The following HAPLN1 variants were observed in gnomAD, a reference collection of about 807,000 sequenced individuals.
HAPLN1 encodes hyaluronan and proteoglycan link protein 1.
A neutral mutation model predicts 36.5 loss-of-function variants in HAPLN1; 13 were observed. That is an observed-to-expected ratio of 0.36 (90% CI 0.23 to 0.57). HAPLN1 has a LOEUF of 0.57. Among genes scored for constraint, HAPLN1 ranks in the 20% least tolerant of loss-of-function variants. The pLI is 0.83. For missense variants in HAPLN1, 407 were observed against 439.7 expected (o/e 0.93, Z 0.66); for synonymous variants, 202 against 169.8 (o/e 1.19, Z -1.48).
chr5:83,697,561 C>T (rs567745201), intron 1 of HAPLN1, among the ~76,000 whole-genome samples: 54 of 152,170 alleles, frequency 3.5e-4, no homozygotes, highest in Middle Eastern at 3.4e-3. Context: ...ATCTACCAAG[C>T]GATGGAATAT....
chr5:83,699,292 C>T (rs1751455370), intron 1 of HAPLN1, among the ~76,000 whole-genome samples: 1 of 152,132 alleles, frequency 6.6e-6, no homozygotes, highest in Non-Finnish European at 1.5e-5. Context: ...ATAGTGACTC[C>T]ACTTTGTTAG....
chr5:83,671,284 C>T lies in HAPLN1; in HGVS notation c.100+2140G>A, dbSNP rs147901764. Among the ~76,000 whole-genome samples, 3 of 152,226 alleles carry T rather than the reference C, an allele frequency of 2.0e-5. No homozygotes were observed. In the East Asian group the frequency reaches 5.8e-4, roughly 29 times the overall value. On this transcript the variant is annotated intron_variant, in intron 2 of 4. Transcript: ENST00000274341. The stretch of plus-strand genomic sequence containing the variant: ...ATAGGAGAGAGTAATGATATTTTTA[C>T]AGCAACGTGAATTTTCAACTATTTT...
Position 83,641,756 on chromosome 5 carries a change from T to C in HAPLN1, c.805A>G (p.Lys269Glu). 1 of 1,614,038 alleles carries C rather than the reference T, an allele frequency of 6.2e-7. No homozygotes were observed. Among genetic ancestry groups the C allele is most frequent in the Non-Finnish European group, 8.5e-7 (1 of 1,179,968 alleles). The change falls in exon 5 of 5, where the codon AAA becomes GAA. Residue 269 changes from lysine to glutamate, a missense_variant. Physicochemically the swap from Lys to Glu is moderately conservative, Grantham distance 56. Coordinates refer to ENST00000274341, the MANE Select transcript of HAPLN1 (RefSeq NM_001884.4). ...TGCACCGCTTCATCATAGGTCAGTT[T>C]GGTGGGGTGGATCAGATAGTAAAAA... ...GRFYYLIHPT[K>E]LTYDEAVQAC...
At position 83,641,508 on chromosome 5, in the gene HAPLN1, T is replaced by C. The variant is rs376504960; in HGVS notation, c.1053A>G (p.Arg351=). 3.6e-5 allele frequency: 58 copies of C among 1,606,440 alleles called. No individual in the cohort carries two copies. Among genetic ancestry groups the C allele is most frequent in the Admixed American group, 5.0e-5 (3 of 59,616 alleles). The change falls in exon 5 of 5, where the codon AGA becomes AGG. Residue 351 remains arginine, a synonymous_variant. Transcript: ENST00000274341. ...TCTAAGGGCACATTCAGTTGTATGC[T>C]CTGAAGCAGTAGACACCATACAGCT... ...KHKLYGVYCF[R]AYN is the part of the protein sequence containing the mutation.
At chr5:83,648,654 G>A in intron 3 of HAPLN1, among the ~76,000 whole-genome samples, 1 of 151,728 alleles carries the variant, frequency 6.6e-6, no homozygotes, top group East Asian at 1.9e-4. Flanking sequence ...ATTACAGTTG[G>A]AAAAGCAGCT....
In HAPLN1 at chr5:83,663,199, G is replaced by T. The variant is rs540478546; in HGVS notation, c.100+10225C>A. Among the ~76,000 whole-genome samples the T allele has an allele frequency of 5.3e-5, 8 of 152,344 alleles. No individual in the cohort carries two copies. The East Asian group carries it at 1.5e-3, about 29-fold the overall frequency. On this transcript the variant is annotated intron_variant, in intron 2 of 4. Coordinates refer to ENST00000274341, the MANE Select transcript of HAPLN1 (RefSeq NM_001884.4). ...CAGGTTCCCAGTGATGCTGTCTTAA[G>T]AGGATGAAGGCTGAAAAATAGCAGG...
chr5:83,677,707 C>A (rs1439117476), intron 1 of HAPLN1, among the ~76,000 whole-genome samples: 1 of 152,134 alleles, frequency 6.6e-6, no homozygotes, highest in Non-Finnish European at 1.5e-5. Context: ...GAAATAATGA[C>A]AATGTCTCCC....
intron 1 of HAPLN1, among the ~76,000 whole-genome samples, chr5:83,673,929 T>C (rs912838088): frequency 2.0e-5 from 3 of 152,262 alleles, no homozygotes; most frequent in Non-Finnish European, 2.9e-5. Context: ...CAATGTGTTA[T>C]GTCTGTATAT....
chr5:83,669,460 T>C (rs573084149), intron 2 of HAPLN1, among the ~76,000 whole-genome samples: 2 of 152,152 alleles, frequency 1.3e-5, no homozygotes, highest in South Asian at 2.1e-4. Flanking sequence ...GATTGAGCCA[T>C]TGTACTCCAG....
chr5:83,673,047 A>G (rs1750769337), intron 2 of HAPLN1, among the ~76,000 whole-genome samples: 1 of 152,242 alleles, frequency 6.6e-6, no homozygotes, highest in African/African-American at 2.4e-5. Context: ...TCTCTTAATG[A>G]TTAAACAGTT....
chr5:83,710,180 G>A (rs1185717847), intron 1 of HAPLN1, among the ~76,000 whole-genome samples: 3 of 152,170 alleles, frequency 2.0e-5, no homozygotes, highest in South Asian at 2.1e-4. Flanking sequence ...ATGCATGGAC[G>A]TAGATGGAAG....
At chr5:83,693,042 T>C (rs868449316) in intron 1 of HAPLN1, among the ~76,000 whole-genome samples, 7 of 151,914 alleles carry the variant, frequency 4.6e-5, no homozygotes, top group Admixed American at 1.3e-4. Context: ...TGATAAAATT[T>C]AATTTATAAA....
intron 1 of HAPLN1, among the ~76,000 whole-genome samples, chr5:83,676,507 A>T (rs1750864554): frequency 6.6e-6 from 1 of 152,154 alleles, no homozygotes; most frequent in African/African-American, 2.4e-5. Context: ...AGCTATATAA[A>T]ACAAGGTGCT....
chr5:83,697,223 A>G (rs1277371057), intron 1 of HAPLN1, among the ~76,000 whole-genome samples: 1 of 152,162 alleles, frequency 6.6e-6, no homozygotes, highest in Non-Finnish European at 1.5e-5. Context: ...TAGATGATTC[A>G]ACAAATCATC....
At chr5:83,707,182 C>T (rs1474239475) in intron 1 of HAPLN1, among the ~76,000 whole-genome samples, 1 of 152,148 alleles carries the variant, frequency 6.6e-6, no homozygotes, top group Non-Finnish European at 1.5e-5. Context: ...AGATTCATTG[C>T]TATTCCTATC....
At chr5:83,689,147 T>C (rs1017090948) in intron 1 of HAPLN1, among the ~76,000 whole-genome samples, 1 of 152,090 alleles carries the variant, frequency 6.6e-6, no homozygotes, top group African/African-American at 2.4e-5. Flanking sequence ...TAGGCTCCTG[T>C]TTGTAGGAAA....
At chr5:83,648,395 CTA>C (rs56115447) in intron 3 of HAPLN1, among the ~76,000 whole-genome samples, 3,396 of 60,106 alleles carry the variant, frequency 0.057, 75 homozygotes, top group East Asian at 0.11. Context: ...CTATATTTGA[CTA>C]TATATATATA....
At chr5:83,660,125 A>C (rs1333519673) in intron 2 of HAPLN1, among the ~76,000 whole-genome samples, 1 of 152,140 alleles carries the variant, frequency 6.6e-6, no homozygotes, top group Non-Finnish European at 1.5e-5. Context: ...CTTCCTGTTG[A>C]GATCTGCATT....
At chr5:83,650,325 T>C (rs1000968264) in intron 3 of HAPLN1, among the ~76,000 whole-genome samples, 4 of 152,184 alleles carry the variant, frequency 2.6e-5, no homozygotes, top group African/African-American at 9.7e-5. Flanking sequence ...ACAAAATAAA[T>C]AGAACATATG....
Sources: gnomAD v4.1 joint callset for allele counts (sites outside exome capture counted in the v4.1 genomes callset) on GRCh38, gnomAD v4.1.1 for gene constraint, MANE v1.5 for transcripts, NCBI Gene and HGNC (gene_info 2026-07-23, HGNC 2026-07-21) for gene names.